The following PGGT1B variants were observed in gnomAD, a reference collection of about 807,000 sequenced individuals.
PGGT1B encodes geranylgeranyl transferase type-1 subunit beta.
In PGGT1B, 30 loss-of-function variants were observed where a neutral mutation model predicts 46.1. The observed-to-expected ratio is 0.65, with a 90% CI of 0.49 to 0.88. The LOEUF (loss-of-function observed/expected upper bound fraction) is 0.88. Ranked by LOEUF, PGGT1B falls within the 40% of genes least tolerant of loss-of-function variation. The pLI is 0.00. For synonymous variants in PGGT1B, 170 were observed against 160.0 expected (o/e 1.06, Z -0.47); for missense variants, 376 against 455.9 (o/e 0.82, Z 1.60).
chr5:115,253,101 G>A (rs750498495), intron 2 of PGGT1B, 36 bp downstream of exon 2: 4 of 1,587,642 alleles, frequency 2.5e-6, no homozygotes, highest in South Asian at 1.1e-5. Flanking sequence ...GGTACAACCA[G>A]TCACACTAAA....
At chr5:115,220,526 C>T (rs553697770) in intron 7 of PGGT1B, among the ~76,000 whole-genome samples, 2 of 151,812 alleles carry the variant, frequency 1.3e-5, no homozygotes, top group South Asian at 2.1e-4. Context: ...ATGGTAGTGA[C>T]GATTACACAA....
chr5:115,212,844 T>C (rs1756278189), intron 8 of PGGT1B, among the ~76,000 whole-genome samples: 2 of 152,284 alleles, frequency 1.3e-5, no homozygotes, highest in South Asian at 4.1e-4. Flanking sequence ...GCTGATACTG[T>C]CCATAACCTC....
At chr5:115,226,449 T>C (rs899654788) in intron 6 of PGGT1B, among the ~76,000 whole-genome samples, 4 of 152,196 alleles carry the variant, frequency 2.6e-5, no homozygotes, top group African/African-American at 9.6e-5. Flanking sequence ...CATTTGATGA[T>C]CACAGCCTAA....
At chr5:115,213,110 A>C in intron 8 of PGGT1B, among the ~76,000 whole-genome samples, 1 of 152,244 alleles carries the variant, frequency 6.6e-6, no homozygotes, top group East Asian at 1.9e-4. Context: ...CTTATGCAAA[A>C]ATAATCCATT....
chr5:115,217,057 A>C, intron 7 of PGGT1B, 84 bp from the exon 8 acceptor site: 2 of 692,128 alleles, frequency 2.9e-6, no homozygotes, highest in South Asian at 3.4e-5. Context: ...TGTCATTTAG[A>C]TATGCTTTTC....
intron 4 of PGGT1B, among the ~76,000 whole-genome samples, chr5:115,237,217 C>T (rs1018321107): frequency 3.9e-5 from 6 of 152,090 alleles, no homozygotes; most frequent in African/African-American, 1.2e-4. Context: ...AAAACACTGA[C>T]GGGAAAACAG....
At chr5:115,235,257 A>C (rs1757142785) in intron 5 of PGGT1B, among the ~76,000 whole-genome samples, 1 of 152,070 alleles carries the variant, frequency 6.6e-6, no homozygotes, top group South Asian at 2.1e-4. Context: ...TGAAGTCCAT[A>C]GAGATATAAA....
intron 7 of PGGT1B, among the ~76,000 whole-genome samples, chr5:115,221,036 G>C (rs941727438): frequency 6.6e-6 from 1 of 151,952 alleles, no homozygotes; most frequent in Non-Finnish European, 1.5e-5. Context: ...AAATGCACCT[G>C]AGAAATGGTA....
At chr5:115,257,549 A>AAAAAAAAAAAAAAAAAAAAAAAAAT (rs1748375852) in intron 1 of PGGT1B, among the ~76,000 whole-genome samples, 1 of 151,576 alleles carries the variant, frequency 6.6e-6, no homozygotes, top group Non-Finnish European at 1.5e-5. Flanking sequence ...AAAAAAAAAA[A>AAAAAAAAAAAAAAAAAAAAAAAAAT]AAGAATGAAA....
At chr5:115,256,399 T>A (rs1046102364) in intron 1 of PGGT1B, among the ~76,000 whole-genome samples, 4 of 152,212 alleles carry the variant, frequency 2.6e-5, no homozygotes, top group Non-Finnish European at 2.9e-5. Flanking sequence ...TACATGTAAG[T>A]GCCAAATACA....
chr5:115,214,800 C>T (rs755144353), intron 8 of PGGT1B, among the ~76,000 whole-genome samples: 1 of 152,160 alleles, frequency 6.6e-6, no homozygotes, highest in Non-Finnish European at 1.5e-5. Flanking sequence ...TGTCATTTCC[C>T]TACTCCCATT....
Position 115,253,186 on chromosome 5 carries a change from A to G in PGGT1B, c.210T>C (p.Asp70=), listed in dbSNP as rs1286341932. ...GGGAATAAATCCACTCTATTATATC[A>G]TCTTTGTTCACCACATCTAAGGAAT... ...MLDSLDVVNK[D]DIIEWIYSLQ... The change falls in exon 2 of 9, where the codon GAT becomes GAC. Residue 70 remains aspartate, a synonymous_variant. Coordinates refer to ENST00000419445, the MANE Select transcript of PGGT1B (RefSeq NM_005023.4). 2 of 1,605,764 alleles carry G rather than the reference A, an allele frequency of 1.2e-6. No homozygotes were observed. The highest frequency in any genetic ancestry group is 1.7e-6 in the Non-Finnish European group (2 of 1,176,236).
chr5:115,224,272 C>G (rs969355863), intron 6 of PGGT1B, among the ~76,000 whole-genome samples: 2 of 151,942 alleles, frequency 1.3e-5, no homozygotes, highest in African/African-American at 4.8e-5. Flanking sequence ...CTCTAATAGA[C>G]AGTAAGTAAC....
intron 2 of PGGT1B, among the ~76,000 whole-genome samples, chr5:115,243,308 A>G (rs925158311): frequency 6.6e-6 from 1 of 152,220 alleles, no homozygotes; most frequent in African/African-American, 2.4e-5. Context: ...AAGCACCATA[A>G]AAGTCCAGCA....
At chr5:115,254,159 C>T (rs1424129237) in intron 1 of PGGT1B, among the ~76,000 whole-genome samples, 1 of 151,990 alleles carries the variant, frequency 6.6e-6, no homozygotes, top group Non-Finnish European at 1.5e-5. Flanking sequence ...GCCTTAATGT[C>T]CTGAGGTATC....
chr5:115,262,698 G>C lies in PGGT1B; in HGVS notation c.140+14C>G. 6.3e-7 allele frequency: 1 copy of C among 1,598,032 alleles called. No individual in the cohort carries two copies. The highest frequency in any genetic ancestry group is 1.1e-5 in the South Asian group (1 of 88,858). ...GGGCCTTGTGCCAGCCTGGCTGACTGTGCCACGAGTTACCTGCTTGTCTCG... is the reference window on the plus strand; with the variant it reads ...GGGCCTTGTGCCAGCCTGGCTGACTCTGCCACGAGTTACCTGCTTGTCTCG... On this transcript the variant is annotated intron_variant, in intron 1 of 8. Coordinates refer to ENST00000419445, the MANE Select transcript of PGGT1B (RefSeq NM_005023.4).
At position 115,216,959 on chromosome 5, in the gene PGGT1B, G is replaced by A. The variant is rs201520833; in HGVS notation, c.858C>T (p.Phe286=). ...VGATLKLLKI[F]QYTNFEKNRN... The stretch of plus-strand genomic sequence containing the variant: ...TATTTTTCTCAAAGTTAGTGTATTG[G>A]AAAATTTTTAGAAGCTGAAATGACA... Residue 286 remains phenylalanine (F), a synonymous_variant, in exon 8 of 9, where the codon TTC becomes TTT. Coordinates refer to ENST00000419445, the MANE Select transcript of PGGT1B (RefSeq NM_005023.4). The A allele has an allele frequency of 6.0e-6, 9 of 1,496,072 alleles. No individual in the cohort carries two copies. The highest frequency in any genetic ancestry group is 1.8e-4 in the Middle Eastern group (1 of 5,608). 92.7% of individuals were successfully genotyped at this position (1,496,072 alleles called of 1,614,324 possible). A position where few individuals can be genotyped will look rare whatever the true frequency, so the allele number is the denominator to read the frequency against.
At position 115,237,839 on chromosome 5, in the gene PGGT1B, A is replaced by G; in HGVS notation, c.479+19T>C. On this transcript the variant is annotated intron_variant, in intron 4 of 8. Coordinates refer to ENST00000419445, the MANE Select transcript of PGGT1B (RefSeq NM_005023.4). ...TATTTTTGTTTATTACAAAAAAAGT[A>G]ACAAAGAATCACTCATACCTCCCAT... is the stretch of plus-strand genomic sequence containing the variant. 1 of 1,596,134 alleles carries G rather than the reference A, an allele frequency of 6.3e-7. No homozygotes were observed.
rs1414712735 is a variant in PGGT1B at position 115,262,801 on chromosome 5, C to A, written c.51G>T (p.Arg17=). Residue 17 remains arginine, a synonymous_variant, in exon 1 of 9, where the codon CGG becomes CGT. Coordinates refer to ENST00000419445, the MANE Select transcript of PGGT1B (RefSeq NM_005023.4). ...ERLAGSGEGE[R]LDFLRDRHVR... is the part of the protein sequence containing the mutation. ...CGTGCCGATCCCGTAAGAAATCCAG[C>A]CGCTCTCCCTCACCGCTCCCTGCTA... 4 of 1,613,024 alleles carry A rather than the reference C, an allele frequency of 2.5e-6. No individual in the cohort carries two copies. The highest frequency in any genetic ancestry group is 3.4e-6 in the Non-Finnish European group (4 of 1,179,890).
Sources: gnomAD v4.1 joint callset for allele counts (sites outside exome capture counted in the v4.1 genomes callset) on GRCh38, gnomAD v4.1.1 for gene constraint, MANE v1.5 for transcripts, NCBI Gene and HGNC (gene_info 2026-07-23, HGNC 2026-07-21) for gene names.